Variants in TSPAN1 observed in about 807,000 individuals in gnomAD.
TSPAN1 encodes the protein tetraspanin-1.
In TSPAN1, 23 loss-of-function variants were observed where a neutral mutation model predicts 26.9. That is an observed-to-expected ratio of 0.85 (90% confidence interval 0.62 to 1.21). The LOEUF (loss-of-function observed/expected upper bound fraction) is 1.21, where lower values mean the gene tolerates loss of function less well. Among genes scored for constraint, TSPAN1 ranks in the 50% most tolerant of loss-of-function variants. The probability of loss-of-function intolerance (pLI) is 0.00; values close to 1 mark genes in which losing one functional copy is unlikely to be tolerated. For missense variants in TSPAN1, 283 were observed against 298.4 expected (o/e 0.95, Z 0.38); for synonymous variants, 115 against 114.8 (o/e 1.00, Z -0.01).
chr1:46,194,793 C>G, the TSPAN1 span: 1 of 1,613,386 alleles, frequency 6.2e-7, no homozygotes, highest in African/African-American at 1.3e-5. Context: ...TAGGGTTCTG[C>G]TCCTCCCAGG....
At chr1:46,188,058 T>A (rs934756745), downstream of TSPAN1, among the ~76,000 whole-genome samples, 2 of 152,276 alleles carry the variant, frequency 1.3e-5, no homozygotes, top group Non-Finnish European at 2.9e-5. Flanking sequence ...GACAATCCCA[T>A]CCATTTTCTG....
intron 1 of TSPAN1, among the ~76,000 whole-genome samples, chr1:46,179,242 G>A (rs1314084146): frequency 6.6e-6 from 1 of 151,558 alleles, no homozygotes. Flanking sequence ...GAGCTCAGGA[G>A]GTCAAGGCTG....
At chr1:46,189,171 A>C, downstream of TSPAN1, 1 of 1,527,342 alleles carries the variant, frequency 6.5e-7, no homozygotes, top group Non-Finnish European at 8.8e-7. Flanking sequence ...AGGTAGCCCC[A>C]GCCCCTACCA....
downstream of TSPAN1, chr1:46,188,577 ACT>A: frequency 7.1e-7 from 1 of 1,405,372 alleles, no homozygotes; most frequent in Middle Eastern, 2.6e-4. Context: ...TGGAAGATAA[ACT>A]CTGTGGAGGA....
chr1:46,196,283 C>T, the TSPAN1 span, among the ~76,000 whole-genome samples: 1 of 152,220 alleles, frequency 6.6e-6, no homozygotes, highest in Non-Finnish European at 1.5e-5. This position sits in a 1 kb window ranked among gnomAD's most constrained non-coding sequence, Gnocchi z 4.4. Flanking sequence ...CGTCTTTCTA[C>T]AACCCTCCCC....
Position 46,185,774 on chromosome 1 carries a change from G to C in TSPAN1, c.*241G>C. On this transcript the variant is annotated 3_prime_UTR_variant, in exon 9 of 9. Transcript: ENST00000372003. ...CATTCCAGAGCCTCTAAGGTAGCCA[G>C]TTCTGTTGCCCATTCCCCCAGTCTA... The C allele has an allele frequency of 1.7e-6, 1 of 587,510 alleles. No individual in the cohort carries two copies. The highest frequency in any genetic ancestry group is 2.9e-5 in the East Asian group (1 of 34,950). The allele number at this position is 587,510 out of a possible 1,614,324, so 36.4% of individuals were successfully genotyped here. A position where few individuals can be genotyped will look rare whatever the true frequency, so the allele number is the denominator to read the frequency against.
At chr1:46,193,393 G>C in the TSPAN1 span, 10 of 1,611,218 alleles carry the variant, frequency 6.2e-6, no homozygotes, top group South Asian at 1.1e-4. Flanking sequence ...GGGTTCCTGG[G>C]GGACATGGCC....
intron 3 of TSPAN1, 133 bp downstream of exon 3, chr1:46,181,297 T>C (rs1370426875): frequency 3.6e-6 from 3 of 844,780 alleles, no homozygotes; most frequent in Non-Finnish European, 5.6e-6. Context: ...ATGAGTGGGA[T>C]GCAAAGGTCT....
At position 46,184,394 on chromosome 1, in the gene TSPAN1, G is replaced by T; in HGVS notation, c.261G>T (p.Val87=). 1 of 1,614,066 alleles carries T rather than the reference G, an allele frequency of 6.2e-7. No individual in the cohort carries two copies. The highest frequency in any genetic ancestry group is 8.5e-7 in the Non-Finnish European group (1 of 1,179,992). The part of the protein sequence containing the change: ...GAKTESKCAL[V]TFFFILLLIF... ...AGACTGAGAGCAAGTGTGCCCTCGT[G>T]ACGGTGTGTGAAACCCAGCTCCACA... is the stretch of plus-strand genomic sequence containing the variant. The change falls in exon 4 of 9, where the codon GTG becomes GTT. Residue 87 remains valine (V), a synonymous_variant. Transcript: ENST00000372003.
At chr1:46,195,980 G>A in the TSPAN1 span, 1 of 1,614,106 alleles carries the variant, frequency 6.2e-7, no homozygotes, top group Non-Finnish European at 8.5e-7. Context: ...CCCAGCTCCA[G>A]CCCTCTGGGT....
chr1:46,176,603 G>T, intron 1 of TSPAN1: 1 of 1,111,032 alleles, frequency 9.0e-7, no homozygotes, highest in Non-Finnish European at 1.2e-6. Context: ...CCCTCCTCAT[G>T]GGTCAGGCTC....
In TSPAN1 at chr1:46,185,398, C is replaced by G; in HGVS notation, c.679-88C>G. ...AGGCCTCTCTGGAGGAAACAGACTT[C>G]TAACTGGGCCTCAGGTAGGGTGTCT... On this transcript the variant is annotated intron_variant, in intron 8 of 8. Transcript: ENST00000372003. 5 of 1,607,986 alleles carry G rather than the reference C, an allele frequency of 3.1e-6. No homozygotes were observed. In the South Asian group the frequency reaches 5.5e-5, roughly 18 times the overall value.
chr1:46,196,343 G>A, the TSPAN1 span, among the ~76,000 whole-genome samples: 1 of 152,154 alleles, frequency 6.6e-6, no homozygotes, highest in Admixed American at 6.5e-5. The surrounding 1 kb of genome is among the most constrained non-coding windows in gnomAD (Gnocchi z 4.4). Context: ...GCTTCATCCT[G>A]GAAGTATCAC....
intron 3 of TSPAN1, among the ~76,000 whole-genome samples, chr1:46,181,730 A>G (rs1344848150): frequency 6.6e-6 from 1 of 152,200 alleles, no homozygotes; most frequent in African/African-American, 2.4e-5. Flanking sequence ...CCAGATAGGC[A>G]GATAATAACA....
At chr1:46,176,226 AC>A in intron 1 of TSPAN1, 1 of 1,534,568 alleles carries the variant, frequency 6.5e-7, no homozygotes, top group Non-Finnish European at 8.7e-7. Context: ...CCCCTGGCTA[AC>A]CTTGAGGTGG....
At position 46,184,328 on chromosome 1, in the gene TSPAN1, T is replaced by G; in HGVS notation, c.195T>G (p.Val65=). ...NVGYFLIAAG[V]VVFALGFLGC... is the part of the protein sequence containing the mutation. ...GCTACTTCCTCATCGCAGCCGGCGT[T>G]GTGGTCTTTGCTCTTGGTTTCCTGG... The change falls in exon 4 of 9, where the codon GTT becomes GTG. Residue 65 remains valine (V), a synonymous_variant. Coordinates refer to ENST00000372003, the MANE Select transcript of TSPAN1 (RefSeq NM_005727.4). 1 of 1,614,172 alleles carries G rather than the reference T, an allele frequency of 6.2e-7. No homozygotes were observed. Among genetic ancestry groups the G allele is most frequent in the South Asian group, 1.1e-5 (1 of 91,086 alleles).
chr1:46,183,597 C>G (rs1657359050), intron 3 of TSPAN1: 1 of 167,332 alleles, frequency 6.0e-6, no homozygotes, highest in South Asian at 1.4e-4. Flanking sequence ...TGGTACCTCA[C>G]TTTCCTCTTG....
chr1:46,176,269 G>A (rs1376874285), intron 1 of TSPAN1: 6 of 1,535,786 alleles, frequency 3.9e-6, no homozygotes, highest in Non-Finnish European at 5.2e-6. Flanking sequence ...GTCAGTGTGG[G>A]TGTTGTTGAT....
rs1286247643 is a variant in TSPAN1 at position 46,184,200 on chromosome 1, G to A, written c.67G>A (p.Ala23Thr). The A allele has an allele frequency of 1.2e-6, 2 of 1,614,068 alleles. No homozygotes were observed. The highest frequency in any genetic ancestry group is 1.7e-6 in the Non-Finnish European group (2 of 1,180,040). Reference sequence around the variant, plus strand: ...ACCTCTCTCTCCCCAGCTGTGTGGTGCAGCCCTGTTGGCAGTGGGCATCTG... The same window carrying A: ...ACCTCTCTCTCCCCAGCTGTGTGGTACAGCCCTGTTGGCAGTGGGCATCTG... ...LFNLLIFLCG[A>T]ALLAVGIWVS... is the part of the protein sequence containing the mutation. The change falls in exon 4 of 9, where the codon GCA (alanine) becomes ACA (threonine). Residue 23 changes from alanine (A) to threonine (T), a missense_variant. By Grantham distance (58) the Ala-to-Thr change is moderately conservative (BLOSUM62 0). Coordinates refer to ENST00000372003, the MANE Select transcript of TSPAN1 (RefSeq NM_005727.4).
Sources: allele counts gnomAD v4.1 joint callset (sites outside exome capture counted in the v4.1 genomes callset), GRCh38; gene constraint gnomAD v4.1.1; non-coding constraint Gnocchi (gnomAD v3.1); transcripts MANE v1.5; gene names NCBI Gene and HGNC (gene_info 2026-07-23, HGNC 2026-07-21).